Variants in NOP9 observed in about 807,000 individuals in gnomAD.
NOP9 encodes the protein nucleolar protein 9.
A neutral mutation model predicts 63.0 loss-of-function variants in NOP9; 50 were observed. The observed-to-expected ratio is 0.79, with a 90% confidence interval of 0.63 to 1.00. The LOEUF is 1.00. Among genes scored for constraint, NOP9 ranks in the 50% least tolerant of loss-of-function variants. The probability of loss-of-function intolerance (pLI) is 0.00; values close to 1 mark genes in which losing one functional copy is unlikely to be tolerated. For missense variants in NOP9, 758 were observed against 803.0 expected (o/e 0.94, Z 0.68); for synonymous variants, 343 against 332.8 (o/e 1.03, Z -0.33).
At chr14:24,297,970 T>A (rs545199454), upstream of NOP9, among the ~76,000 whole-genome samples, 1 of 152,208 alleles carries the variant, frequency 6.6e-6, no homozygotes, top group Non-Finnish European at 1.5e-5. Flanking sequence ...CTCCCTCTTA[T>A]AATTTACCAT....
chr14:24,292,894 G>GCTACACAC, the NOP9 span: 2 of 1,415,008 alleles, frequency 1.4e-6, no homozygotes, highest in Admixed American at 5.8e-5. Flanking sequence ...CACTAGGAAG[G>GCTACACAC]CTACACAGGG....
chr14:24,290,772 A>G, the NOP9 span: 11 of 1,554,306 alleles, frequency 7.1e-6, no homozygotes, highest in African/African-American at 1.4e-4. Flanking sequence ...ATGGGTAAAC[A>G]AGAAAGGCTG....
At chr14:24,298,326 AC>A (rs1213261233), upstream of NOP9, among the ~76,000 whole-genome samples, 3 of 152,240 alleles carry the variant, frequency 2.0e-5, no homozygotes, top group African/African-American at 7.2e-5. Flanking sequence ...TGCTGGGACT[AC>A]AGGCATGAGC....
At chr14:24,302,905 G>GA (rs1488184019) in intron 5 of NOP9, among the ~76,000 whole-genome samples, 169 bp from the exon 6 acceptor site, 1 of 152,204 alleles carries the variant, frequency 6.6e-6, no homozygotes, top group Non-Finnish European at 1.5e-5. Context: ...GCACCTCTAA[G>GA]ACTGCCCCCT....
chr14:24,292,649 C>T, the NOP9 span: 5 of 1,614,244 alleles, frequency 3.1e-6, no homozygotes, highest in South Asian at 2.2e-5. Context: ...ACTGGGTCCT[C>T]ACCGCAGCTT....
Position 24,305,825 on chromosome 14 carries a change from A to G in NOP9, c.*730A>G. 6.2e-7 allele frequency: 1 copy of G among 1,600,142 alleles called. No homozygotes were observed. Among genetic ancestry groups the G allele is most frequent in the Non-Finnish European group, 8.5e-7 (1 of 1,172,040 alleles). On this transcript the variant is annotated 3_prime_UTR_variant, in exon 10 of 10. Coordinates refer to ENST00000267425, the MANE Select transcript of NOP9 (RefSeq NM_174913.3). ...TGGAAAACTTGGGAGGAAGCCATCAAGCTGGGAGATGAGGACTTTCCACAA... is the reference window on the plus strand; with the variant it reads ...TGGAAAACTTGGGAGGAAGCCATCAGGCTGGGAGATGAGGACTTTCCACAA...
At chr14:24,272,009 T>C in the NOP9 span, among the ~76,000 whole-genome samples, 1 of 152,170 alleles carries the variant, frequency 6.6e-6, no homozygotes, top group East Asian at 1.9e-4. Context: ...TTCTCATCTG[T>C]TCACCTCCAC....
upstream of NOP9, chr14:24,298,816 T>G: frequency 9.2e-7 from 1 of 1,087,860 alleles, no homozygotes; most frequent in Non-Finnish European, 1.2e-6. Context: ...TTTACGGGGT[T>G]TTTAATTTCC....
chr14:24,295,317 TA>T (rs1319892900), upstream of NOP9, among the ~76,000 whole-genome samples: 1 of 152,166 alleles, frequency 6.6e-6, no homozygotes, highest in Non-Finnish European at 1.5e-5. Flanking sequence ...TTTCCATATT[TA>T]AAAAAAGTAA....
At chr14:24,293,289 G>C in the NOP9 span, 1 of 153,220 alleles carries the variant, frequency 6.5e-6, no homozygotes, top group Non-Finnish European at 1.5e-5. Context: ...AGAACAGCCA[G>C]AAAAGCTGGG....
At position 24,304,543 on chromosome 14, in the gene NOP9, T is replaced by C; in HGVS notation, c.1698T>C (p.Asp566=). The change falls in exon 9 of 10, where the codon GAT becomes GAC. Residue 566 remains aspartate, a synonymous_variant. Transcript: ENST00000267425. The part of the protein sequence containing the change: ...ACSRHGSRVL[D]AIWSGAALRA... ...GTCGCCATGGCAGCCGTGTGCTAGA[T>C]GCCATCTGGAGTGGAGCAGCCTTGA... 6.2e-7 allele frequency: 1 copy of C among 1,613,884 alleles called. No individual in the cohort carries two copies.
rs1460386612 is a variant in NOP9 at position 24,306,950 on chromosome 14, C to T, written c.*1855C>T. The T allele has an allele frequency of 1.1e-5, 3 of 262,344 alleles. No individual in the cohort carries two copies. In the East Asian group the frequency reaches 2.5e-4, roughly 22 times the overall value. 16.3% of individuals were successfully genotyped at this position (262,344 alleles called of 1,614,324 possible). ...GTGCCAGGTATGAGGACTTTACCTA[C>T]ATTATCCTCTTACTCCTTTCAACAA... is the stretch of plus-strand genomic sequence containing the variant. On this transcript the variant is annotated 3_prime_UTR_variant, in exon 10 of 10. Transcript: ENST00000267425.
At chr14:24,276,936 C>T in the NOP9 span, among the ~76,000 whole-genome samples, 115 of 152,160 alleles carry the variant, frequency 7.6e-4, no homozygotes, top group African/African-American at 2.6e-3. Context: ...TAGTGGGGGA[C>T]GGGAGACACA....
In NOP9 at chr14:24,300,819, A is replaced by T; in HGVS notation, c.659A>T (p.Glu220Val). 6.2e-7 allele frequency: 1 copy of T among 1,614,038 alleles called. No homozygotes were observed. Among genetic ancestry groups the T allele is most frequent in the Non-Finnish European group, 8.5e-7 (1 of 1,179,902 alleles). Residue 220 changes from glutamate to valine, a missense_variant, in exon 2 of 10, where the codon GAG becomes GTG. Coordinates refer to ENST00000267425, the MANE Select transcript of NOP9 (RefSeq NM_174913.3). ...CAGGTGTTAGGAGGGACTATTCTGG[A>T]GTCTGAGAGAGCCAGGCCCCGTGGT... ...LLQVLGGTILESERARPRGSQ... is the reference protein window; with the variant it reads ...LLQVLGGTILVSERARPRGSQ...
chr14:24,303,308 C>A, intron 6 of NOP9, 94 bp downstream of exon 6: 1 of 1,511,982 alleles, frequency 6.6e-7, no homozygotes, highest in Non-Finnish European at 9.2e-7. Context: ...CCTCTGGACT[C>A]AGGAAGTCTA....
chr14:24,298,913 T>C (rs2041312390), upstream of NOP9: 3 of 1,569,602 alleles, frequency 1.9e-6, no homozygotes, highest in East Asian at 6.8e-5. Context: ...GGAAGGGCTC[T>C]CTCGGGTGGT....
the NOP9 span, chr14:24,291,288 T>C: frequency 2.0e-6 from 3 of 1,510,966 alleles, no homozygotes; most frequent in Admixed American, 1.7e-5. Flanking sequence ...TTGGGCCCAG[T>C]TGGACAGGGC....
intron 9 of NOP9, 68 bp downstream of exon 9, chr14:24,304,666 C>G: frequency 8.0e-7 from 1 of 1,251,984 alleles, no homozygotes; most frequent in Non-Finnish European, 1.1e-6. Flanking sequence ...CACTGGGTAG[C>G]TGGGAAGTCT....
At chr14:24,283,495 G>T in the NOP9 span, among the ~76,000 whole-genome samples, 1 of 152,176 alleles carries the variant, frequency 6.6e-6, no homozygotes, top group Non-Finnish European at 1.5e-5. Context: ...AGCTACTCAG[G>T]GGGCTGAGGT....
Sources: gnomAD v4.1 joint callset for allele counts (sites outside exome capture counted in the v4.1 genomes callset) on GRCh38, gnomAD v4.1.1 for gene constraint, MANE v1.5 for transcripts, NCBI Gene and HGNC (gene_info 2026-07-23, HGNC 2026-07-21) for gene names.